Variants in CNTNAP2 observed in about 807,000 individuals in gnomAD.
The protein encoded by CNTNAP2 is contactin-associated protein-like 2.
In CNTNAP2, 98 loss-of-function variants were observed where a neutral mutation model predicts 155.2. The observed-to-expected ratio is 0.63, with a 90% CI of 0.54 to 0.75. CNTNAP2 has a LOEUF of 0.75. Among genes scored for constraint, CNTNAP2 ranks in the 30% least tolerant of loss-of-function variants. The probability of loss-of-function intolerance (pLI) is 0.00; values close to 1 mark genes in which losing one functional copy is unlikely to be tolerated. For missense variants in CNTNAP2, 1,727 were observed against 1,688.1 expected (o/e 1.02, Z -0.40); for synonymous variants, 651 against 631.2 (o/e 1.03, Z -0.47).
At chr7:147,447,438 T>C (rs1212617031) in intron 10 of CNTNAP2, among the ~76,000 whole-genome samples, 1 of 152,170 alleles carries the variant, frequency 6.6e-6, no homozygotes, top group Non-Finnish European at 1.5e-5. Flanking sequence ...TGTTTTGAGA[T>C]GGAGTCTCCC....
chr7:146,881,306 G>T lies in CNTNAP2; in HGVS notation c.402+41402G>T, dbSNP rs561739610. ...TTTCATGTTTTATTTGTAAAAGCAG[G>T]TTATAGAATTGGATGATCTCTAATT... On this transcript the variant is annotated intron_variant, in intron 3 of 23. Coordinates refer to ENST00000361727, the MANE Select transcript of CNTNAP2 (RefSeq NM_014141.6). Among the ~76,000 whole-genome samples, 3 of 152,216 alleles carry T rather than the reference G, an allele frequency of 2.0e-5. No homozygotes were observed. In the South Asian group the frequency reaches 6.2e-4, roughly 32 times the overall value.
chr7:148,313,191 T>C (rs11769420), intron 21 of CNTNAP2, among the ~76,000 whole-genome samples: 33,163 of 149,756 alleles, frequency 0.22, 4,031 homozygotes, highest in Middle Eastern at 0.3. Flanking sequence ...AAGAAGGTAA[T>C]GTGGAGTGGG....
At chr7:146,947,127 G>A (rs981349518) in intron 3 of CNTNAP2, among the ~76,000 whole-genome samples, 2 of 151,688 alleles carry the variant, frequency 1.3e-5, no homozygotes, top group Non-Finnish European at 2.9e-5. Context: ...TGCCTCCCAT[G>A]TACGAGTAGT....
chr7:146,398,754 T>C (rs924212976), intron 1 of CNTNAP2, among the ~76,000 whole-genome samples: 2 of 152,080 alleles, frequency 1.3e-5, no homozygotes, highest in African/African-American at 4.8e-5. Flanking sequence ...AAGTCAACCC[T>C]GCTTACTCTA....
At chr7:146,774,978 A>G (rs10240597) in intron 2 of CNTNAP2, among the ~76,000 whole-genome samples, 1,887 of 152,350 alleles carry the variant, frequency 0.012, 45 homozygotes, top group African/African-American at 0.042. Context: ...GTAAAAGAAC[A>G]TAATTAAGGA....
intron 1 of CNTNAP2, among the ~76,000 whole-genome samples, chr7:146,254,876 GA>G (rs1799814182): frequency 6.6e-6 from 1 of 151,780 alleles, no homozygotes; most frequent in Non-Finnish European, 1.5e-5. Context: ...TTTGTAAGGT[GA>G]TGGTATCATT....
intron 13 of CNTNAP2, among the ~76,000 whole-genome samples, chr7:147,807,605 G>T (rs1214785931): frequency 6.6e-6 from 1 of 152,190 alleles, no homozygotes; most frequent in African/African-American, 2.4e-5. Context: ...TGCCTAGTAC[G>T]TAACCTTAAA....
At chr7:147,979,297 G>A (rs1801483545) in intron 15 of CNTNAP2, among the ~76,000 whole-genome samples, 1 of 150,498 alleles carries the variant, frequency 6.6e-6, no homozygotes, top group South Asian at 2.1e-4. Context: ...GTAAAACTGT[G>A]CAGAAGAAAT....
intron 20 of CNTNAP2, among the ~76,000 whole-genome samples, chr7:148,250,739 C>A (rs1796350301): frequency 6.6e-6 from 1 of 152,220 alleles, no homozygotes; most frequent in African/African-American, 2.4e-5. Flanking sequence ...CACCTCTATC[C>A]TGCTTCTTCC....
chr7:146,480,628 T>C (rs979449013), intron 1 of CNTNAP2, among the ~76,000 whole-genome samples: 2 of 151,004 alleles, frequency 1.3e-5, no homozygotes, highest in African/African-American at 4.9e-5. Context: ...TTTGTGAGTG[T>C]GTGTAATTTT....
chr7:147,855,079 G>A (rs992417478), intron 13 of CNTNAP2, among the ~76,000 whole-genome samples: 7 of 151,982 alleles, frequency 4.6e-5, no homozygotes, highest in Non-Finnish European at 8.8e-5. Context: ...TCTTTAACAC[G>A]ATTACTAGAA....
At chr7:146,483,316 T>TATAC (rs1797003993) in intron 1 of CNTNAP2, among the ~76,000 whole-genome samples, 1 of 89,776 alleles carries the variant, frequency 1.1e-5, no homozygotes, top group Non-Finnish European at 2.2e-5. Context: ...TATATATATA[T>TATAC]ATATATATAT....
intron 12 of CNTNAP2, among the ~76,000 whole-genome samples, chr7:147,563,496 GCA>G (rs1800105555): frequency 6.6e-6 from 1 of 151,956 alleles, no homozygotes; most frequent in African/African-American, 2.4e-5. Flanking sequence ...GGGCTTCGTG[GCA>G]CACACATGTA....
At chr7:147,547,729 A>T (rs140532318) in intron 11 of CNTNAP2, among the ~76,000 whole-genome samples, 1 of 151,830 alleles carries the variant, frequency 6.6e-6, no homozygotes, top group Non-Finnish European at 1.5e-5. Flanking sequence ...TGCTGTACCT[A>T]TTGACCTATC....
At chr7:147,435,026 C>A (rs763044823) in intron 10 of CNTNAP2, among the ~76,000 whole-genome samples, 4 of 152,080 alleles carry the variant, frequency 2.6e-5, no homozygotes, top group African/African-American at 4.8e-5. Context: ...GAATTTGAGG[C>A]AACAGGACAG....
intron 3 of CNTNAP2, among the ~76,000 whole-genome samples, chr7:147,002,059 T>A (rs542163866): frequency 6.6e-6 from 1 of 151,740 alleles, no homozygotes; most frequent in Admixed American, 6.6e-5. Context: ...CATAAGGCAA[T>A]GTAATAGAAA....
At chr7:146,800,601 C>T (rs1459011411) in intron 2 of CNTNAP2, among the ~76,000 whole-genome samples, 1 of 152,122 alleles carries the variant, frequency 6.6e-6, no homozygotes, top group African/African-American at 2.4e-5. Flanking sequence ...TCCTCAGGCA[C>T]AGAGACATTA....
chr7:147,928,341 G>C (rs1389477295), intron 14 of CNTNAP2, among the ~76,000 whole-genome samples: 1 of 152,158 alleles, frequency 6.6e-6, no homozygotes, highest in Non-Finnish European at 1.5e-5. Context: ...AGCAGGGCGA[G>C]GATGAGAAAG....
chr7:147,146,520 G>A (rs929577468), intron 8 of CNTNAP2: 1 of 152,678 alleles, frequency 6.5e-6, no homozygotes, highest in Non-Finnish European at 1.5e-5. Context: ...GTAACTCCTT[G>A]TTCTGGCTTG....
Sources: allele counts gnomAD v4.1 joint callset (sites outside exome capture counted in the v4.1 genomes callset), GRCh38; gene constraint gnomAD v4.1.1; transcripts MANE v1.5; gene names NCBI Gene and HGNC (gene_info 2026-07-23, HGNC 2026-07-21).